Variants in WWOX observed in about 807,000 individuals in gnomAD.
The protein encoded by WWOX is WW domain-containing oxidoreductase.
Under a neutral mutation model 46.2 loss-of-function variants are expected in WWOX, and 69 were observed. The ratio of observed to expected loss-of-function variants is 1.49; its 90% CI spans 1.23 to 1.82. The LOEUF (loss-of-function observed/expected upper bound fraction) is 1.82. Ranked by LOEUF, WWOX falls within the 40% of genes most tolerant of loss-of-function variation. The probability of loss-of-function intolerance (pLI) is 0.00; values close to 1 mark genes in which losing one functional copy is unlikely to be tolerated. For synonymous variants in WWOX, 359 were observed against 202.6 expected, an observed-to-expected ratio of 1.77 and a Z score of -6.56; for missense variants, 919 against 542.6, an observed-to-expected ratio of 1.69 and a Z score of -6.89.
intron 5 of WWOX, among the ~76,000 whole-genome samples, chr16:78,325,601 A>C (rs536122360): frequency 1.3e-5 from 2 of 152,324 alleles, no homozygotes; most frequent in East Asian, 3.9e-4. Flanking sequence ...AAAGGCTAAT[A>C]GAGAAGTAAT....
At chr16:78,411,112 G>C (rs914866714) in intron 6 of WWOX, among the ~76,000 whole-genome samples, 1 of 152,104 alleles carries the variant, frequency 6.6e-6, no homozygotes, top group African/African-American at 2.4e-5. Context: ...AATTGTCCAT[G>C]ATTTTTTCTA....
At chr16:78,736,152 AAG>A (rs2049086862) in intron 8 of WWOX, among the ~76,000 whole-genome samples, 1 of 152,146 alleles carries the variant, frequency 6.6e-6, no homozygotes, top group Non-Finnish European at 1.5e-5. Flanking sequence ...AAGTGAAGAG[AAG>A]ATGTGGTCTC....
chr16:78,671,151 A>G (rs1006290234), intron 8 of WWOX, among the ~76,000 whole-genome samples: 1 of 152,170 alleles, frequency 6.6e-6, no homozygotes, highest in Non-Finnish European at 1.5e-5. Flanking sequence ...GGCCAGGTAC[A>G]GTGGCTCATG....
chr16:78,456,472 C>CT (rs1278253747), intron 8 of WWOX, among the ~76,000 whole-genome samples: 3 of 152,140 alleles, frequency 2.0e-5, no homozygotes, highest in African/African-American at 7.2e-5. Flanking sequence ...TAACAAAATA[C>CT]TTTGTCTCTT....
At chr16:78,480,844 G>C (rs747945497) in intron 8 of WWOX, among the ~76,000 whole-genome samples, 6 of 152,188 alleles carry the variant, frequency 3.9e-5, no homozygotes, top group South Asian at 2.1e-4. Context: ...GATGGATTGA[G>C]ACATCAGATT....
At position 79,112,264 on chromosome 16, in the gene WWOX, G is replaced by A. The variant is rs553364007; in HGVS notation, c.1057-99344G>A. 6.6e-5 allele frequency among the ~76,000 whole-genome samples: 10 copies of A among 152,190 alleles called. No homozygotes were observed. The South Asian group carries it at 1.0e-3, about 16-fold the overall frequency. ...CCAACAAAAGGGCTGTCCACTTGAC[G>A]GACAGGCAACAGATCATCTTGATAA... On this transcript the variant is annotated intron_variant, in intron 8 of 8. Transcript: ENST00000566780.
At chr16:78,395,333 A>G (rs1277045444) in intron 6 of WWOX, among the ~76,000 whole-genome samples, 1 of 152,126 alleles carries the variant, frequency 6.6e-6, no homozygotes, top group Non-Finnish European at 1.5e-5. Context: ...AGCCTCGGTA[A>G]TTTGGCAAAA....
intron 8 of WWOX, among the ~76,000 whole-genome samples, chr16:79,121,348 T>G (rs1156973769): frequency 6.6e-6 from 1 of 152,218 alleles, no homozygotes; most frequent in Non-Finnish European, 1.5e-5. Context: ...CAGTACCAGC[T>G]GCTGTGGAAA....
At chr16:79,083,003 T>A (rs913614853) in intron 8 of WWOX, among the ~76,000 whole-genome samples, 2 of 152,142 alleles carry the variant, frequency 1.3e-5, no homozygotes, top group Non-Finnish European at 2.9e-5. Context: ...AATGCCTACC[T>A]GGCACTCCTA....
At chr16:78,217,087 T>C (rs186937387) in intron 5 of WWOX, among the ~76,000 whole-genome samples, 1 of 152,312 alleles carries the variant, frequency 6.6e-6, no homozygotes, top group Non-Finnish European at 1.5e-5. Context: ...GAATTCTCCT[T>C]TGCCACGCAG....
At chr16:78,491,112 C>G (rs2084775235) in intron 8 of WWOX, among the ~76,000 whole-genome samples, 1 of 152,174 alleles carries the variant, frequency 6.6e-6, no homozygotes, top group Non-Finnish European at 1.5e-5. Context: ...GGCTGCCTGC[C>G]ATGCTCGTGC....
intron 8 of WWOX, among the ~76,000 whole-genome samples, chr16:78,773,288 C>G (rs1258059650): frequency 2.6e-5 from 4 of 152,188 alleles, no homozygotes; most frequent in Admixed American, 6.5e-5. Flanking sequence ...ACTACAACTT[C>G]TGGCTCTGGC....
At chr16:78,356,587 GA>G (rs2081297381) in intron 5 of WWOX, among the ~76,000 whole-genome samples, 1 of 152,056 alleles carries the variant, frequency 6.6e-6, no homozygotes, top group South Asian at 2.1e-4. Context: ...CTATCACATG[GA>G]AACAAAAGTT....
chr16:78,908,129 C>G (rs1159768755), intron 8 of WWOX, among the ~76,000 whole-genome samples: 1 of 152,174 alleles, frequency 6.6e-6, no homozygotes, highest in Non-Finnish European at 1.5e-5. Context: ...CACCAGGATT[C>G]TATGGCCAAG....
chr16:79,017,805 T>G (rs2161727), intron 8 of WWOX, among the ~76,000 whole-genome samples: 5,237 of 152,282 alleles, frequency 0.034, 134 homozygotes, highest in Non-Finnish European at 0.055. Flanking sequence ...GCATAACAAA[T>G]TACAGATTAT....
intron 8 of WWOX, among the ~76,000 whole-genome samples, chr16:79,029,628 T>G (rs1199953093): frequency 6.6e-6 from 1 of 152,244 alleles, no homozygotes; most frequent in Non-Finnish European, 1.5e-5. Flanking sequence ...TATATTCTTA[T>G]ATAAAATTGA....
At chr16:78,790,550 G>A (rs2050569114) in intron 8 of WWOX, among the ~76,000 whole-genome samples, 1 of 152,134 alleles carries the variant, frequency 6.6e-6, no homozygotes, top group Non-Finnish European at 1.5e-5. Context: ...TACTACCGTG[G>A]ACAACCCTAT....
intron 8 of WWOX, among the ~76,000 whole-genome samples, chr16:78,446,091 G>T (rs1188578608): frequency 1.3e-5 from 2 of 152,172 alleles, no homozygotes; most frequent in African/African-American, 4.8e-5. Flanking sequence ...AATGCTAATG[G>T]TATTGATGTG....
chr16:78,763,116 G>C (rs1195102730), intron 8 of WWOX, among the ~76,000 whole-genome samples: 3 of 152,212 alleles, frequency 2.0e-5, no homozygotes, highest in Non-Finnish European at 4.4e-5. Flanking sequence ...CACTATTGTA[G>C]GCTGTGGAGA....
Sources: allele counts gnomAD v4.1 joint callset (sites outside exome capture counted in the v4.1 genomes callset), GRCh38; gene constraint gnomAD v4.1.1; transcripts MANE v1.5; gene names NCBI Gene and HGNC (gene_info 2026-07-23, HGNC 2026-07-21).